The following HCN1 variants were observed in gnomAD, a reference collection of about 807,000 sequenced individuals.
HCN1 encodes potassium/sodium hyperpolarization-activated cyclic nucleotide-gated channel 1.
Under a neutral mutation model 78.9 loss-of-function variants are expected in HCN1, and 13 were observed. The observed-to-expected ratio is 0.16, with a 90% CI of 0.11 to 0.26. The LOEUF (loss-of-function observed/expected upper bound fraction) is 0.26, where lower values mean the gene tolerates loss of function less well. Among genes scored for constraint, HCN1 ranks in the 10% least tolerant of loss-of-function variants. The pLI is 1.00. For synonymous variants in HCN1, 552 were observed against 455.5 expected (o/e 1.21, Z -2.70); for missense variants, 810 against 1,154.3 (o/e 0.70, Z 4.32).
At chr5:45,408,973 A>G (rs1579875048) in intron 3 of HCN1, among the ~76,000 whole-genome samples, 1 of 152,146 alleles carries the variant, frequency 6.6e-6, no homozygotes, top group African/African-American at 2.4e-5. Context: ...TATGTCGGTT[A>G]TCAGATCATA....
chr5:45,659,483 G>T (rs1402314100), intron 1 of HCN1, among the ~76,000 whole-genome samples: 1 of 108,102 alleles, frequency 9.3e-6, no homozygotes, highest in Admixed American at 9.0e-5. Flanking sequence ...AGAGAAGAAG[G>T]CTTCAGATGA....
At chr5:45,387,328 A>G (rs549674517) in intron 4 of HCN1, among the ~76,000 whole-genome samples, 5 of 152,252 alleles carry the variant, frequency 3.3e-5, no homozygotes, top group African/African-American at 1.2e-4. Context: ...TACAAATAAT[A>G]TAATTATGTT....
intron 2 of HCN1, among the ~76,000 whole-genome samples, chr5:45,602,469 A>G (rs1223288715): frequency 3.3e-5 from 5 of 152,226 alleles, no homozygotes; most frequent in African/African-American, 9.6e-5. Flanking sequence ...CGACATCTTT[A>G]TCTTGAACTT....
chr5:45,377,030 T>C (rs541434152), intron 4 of HCN1, among the ~76,000 whole-genome samples: 4 of 152,040 alleles, frequency 2.6e-5, no homozygotes, highest in Admixed American at 1.3e-4. Context: ...GACAAGAAAG[T>C]AATTATAAGA....
chr5:45,380,112 AT>A, intron 4 of HCN1, among the ~76,000 whole-genome samples: 1 of 152,184 alleles, frequency 6.6e-6, no homozygotes, highest in Admixed American at 6.6e-5. Context: ...ACAGGCATTT[AT>A]TTGTCATGGT....
intron 2 of HCN1, among the ~76,000 whole-genome samples, chr5:45,610,045 T>C (rs1744803563): frequency 6.6e-6 from 1 of 152,146 alleles, no homozygotes; most frequent in Non-Finnish European, 1.5e-5. Context: ...CCGCAGAAGA[T>C]AGTAACTCAT....
intron 2 of HCN1, among the ~76,000 whole-genome samples, chr5:45,579,426 C>G (rs1018040679): frequency 2.0e-5 from 3 of 152,048 alleles, no homozygotes; most frequent in African/African-American, 7.2e-5. Flanking sequence ...TTGAGACACA[C>G]AGTAAATGAA....
intron 2 of HCN1, among the ~76,000 whole-genome samples, chr5:45,544,774 T>C (rs1328041172): frequency 2.0e-5 from 3 of 152,174 alleles, no homozygotes; most frequent in African/African-American, 7.2e-5. Flanking sequence ...ACAAAGGACA[T>C]GAACTCATCC....
chr5:45,449,019 C>A (rs566835098), intron 3 of HCN1, among the ~76,000 whole-genome samples: 2 of 152,228 alleles, frequency 1.3e-5, no homozygotes, highest in South Asian at 4.1e-4. Flanking sequence ...GAGGCTGAGG[C>A]ATGAGAATTG....
intron 2 of HCN1, among the ~76,000 whole-genome samples, chr5:45,479,868 C>T (rs922027775): frequency 2.0e-5 from 3 of 152,254 alleles, no homozygotes; most frequent in Middle Eastern, 3.4e-3. Context: ...TTTAACTAAT[C>T]ATTTCACATA....
intron 3 of HCN1, among the ~76,000 whole-genome samples, chr5:45,416,810 G>A (rs1416482766): frequency 6.6e-6 from 1 of 151,790 alleles, no homozygotes; most frequent in Non-Finnish European, 1.5e-5. Context: ...TCCCATAGAA[G>A]AATAAGCTAC....
chr5:45,279,757 A>C (rs1326847941), intron 6 of HCN1, among the ~76,000 whole-genome samples: 15 of 152,114 alleles, frequency 9.9e-5, no homozygotes, highest in Admixed American at 9.8e-4. Flanking sequence ...TCAAAGATAA[A>C]ATTTCAGTAT....
At chr5:45,320,330 G>C (rs953731086) in intron 5 of HCN1, among the ~76,000 whole-genome samples, 1 of 151,766 alleles carries the variant, frequency 6.6e-6, no homozygotes, top group African/African-American at 2.4e-5. Context: ...TCAGTAGCTT[G>C]GGTTCTTTAT....
intron 1 of HCN1, among the ~76,000 whole-genome samples, chr5:45,654,898 C>T (rs1233894013): frequency 2.0e-5 from 3 of 152,134 alleles, no homozygotes; most frequent in Non-Finnish European, 4.4e-5. Flanking sequence ...CCTCCCACCA[C>T]ATTGCATATT....
At chr5:45,282,015 A>AG (rs2111870187) in intron 6 of HCN1, among the ~76,000 whole-genome samples, 1 of 152,336 alleles carries the variant, frequency 6.6e-6, no homozygotes, top group Admixed American at 6.5e-5. Flanking sequence ...CTGGTACAAA[A>AG]GCACATAGAT....
intron 4 of HCN1, among the ~76,000 whole-genome samples, chr5:45,379,543 G>T (rs1747762035): frequency 6.6e-6 from 1 of 152,070 alleles, no homozygotes; most frequent in African/African-American, 2.4e-5. Context: ...ATCAATTTAT[G>T]TCTGTATAAT....
chr5:45,460,612 G>A (rs1247136707), intron 3 of HCN1, among the ~76,000 whole-genome samples: 1 of 151,804 alleles, frequency 6.6e-6, no homozygotes, highest in Non-Finnish European at 1.5e-5. Flanking sequence ...GTGATTTAGT[G>A]ATATATAAGC....
intron 1 of HCN1, among the ~76,000 whole-genome samples, chr5:45,645,934 A>G (rs553704940): frequency 1.3e-5 from 2 of 152,234 alleles, no homozygotes; most frequent in Non-Finnish European, 2.9e-5. Flanking sequence ...AATACAAAAT[A>G]TAGACAGAAA....
At chr5:45,402,460 CAGAGG>C (rs1739834689) in intron 3 of HCN1, among the ~76,000 whole-genome samples, 1 of 152,094 alleles carries the variant, frequency 6.6e-6, no homozygotes, top group Non-Finnish European at 1.5e-5. Context: ...TTCTGCAGTT[CAGAGG>C]AGACTCCCTC....
Sources: allele counts gnomAD v4.1 joint callset (sites outside exome capture counted in the v4.1 genomes callset), GRCh38; gene constraint gnomAD v4.1.1; transcripts MANE v1.5; gene names NCBI Gene and HGNC (gene_info 2026-07-23, HGNC 2026-07-21).